Variants in ARHGAP24 observed in about 807,000 individuals in gnomAD.
The protein encoded by ARHGAP24 is Rho GTPase activating protein 24, also known as rho GTPase-activating protein 24.
Under a neutral mutation model 76.4 loss-of-function variants are expected in ARHGAP24, and 50 were observed. The observed-to-expected ratio is 0.65, with a 90% CI of 0.52 to 0.83. ARHGAP24 has a LOEUF of 0.83. Ranked by LOEUF, ARHGAP24 falls within the 40% of genes least tolerant of loss-of-function variation. The probability of loss-of-function intolerance (pLI) is 0.00; values close to 1 mark genes in which losing one functional copy is unlikely to be tolerated. For synonymous variants in ARHGAP24, 345 were observed against 323.3 expected (o/e 1.07, Z -0.72); for missense variants, 930 against 914.2 (o/e 1.02, Z -0.22).
intron 3 of ARHGAP24, among the ~76,000 whole-genome samples, chr4:85,767,294 C>T (rs1349502478): frequency 6.6e-6 from 1 of 152,154 alleles, no homozygotes; most frequent in Non-Finnish European, 1.5e-5. Flanking sequence ...AAATGTCTCT[C>T]CAGATTGCAC....
At chr4:85,563,558 C>T (rs1201801996) in intron 1 of ARHGAP24, among the ~76,000 whole-genome samples, 2 of 152,272 alleles carry the variant, frequency 1.3e-5, no homozygotes, top group Admixed American at 6.5e-5. Flanking sequence ...TAATTACCTC[C>T]TAAGGGCCCT....
chr4:85,542,965 A>T (rs73832799), intron 1 of ARHGAP24, among the ~76,000 whole-genome samples: 1 of 152,134 alleles, frequency 6.6e-6, no homozygotes, highest in Non-Finnish European at 1.5e-5. Context: ...CACTTACAAC[A>T]TTGCCTGGTC....
At chr4:85,527,061 A>G (rs1213618190) in intron 1 of ARHGAP24, among the ~76,000 whole-genome samples, 1 of 152,152 alleles carries the variant, frequency 6.6e-6, no homozygotes, top group Non-Finnish European at 1.5e-5. Context: ...GACATGTGAA[A>G]TAGATCAGTG....
chr4:85,712,258 T>G (rs916213749), intron 2 of ARHGAP24, among the ~76,000 whole-genome samples: 1 of 152,070 alleles, frequency 6.6e-6, no homozygotes. Context: ...TCAGAAAGGA[T>G]TTTCTCTGGT....
intron 3 of ARHGAP24, among the ~76,000 whole-genome samples, chr4:85,735,931 T>C (rs759406129): frequency 1.3e-5 from 2 of 152,198 alleles, no homozygotes; most frequent in African/African-American, 2.4e-5. Flanking sequence ...TCTACAGGAC[T>C]ATAGCCTATA....
chr4:85,808,693 G>A (rs1728891109), intron 3 of ARHGAP24, among the ~76,000 whole-genome samples: 1 of 152,132 alleles, frequency 6.6e-6, no homozygotes, highest in African/African-American at 2.4e-5. Context: ...AGTTGGTCCT[G>A]GTGTAGCAGC....
At position 85,817,696 on chromosome 4, in the gene ARHGAP24, C is replaced by T. The variant is rs142398740; in HGVS notation, c.268+95724C>T. Among the ~76,000 whole-genome samples, 754 of 152,220 alleles carry T rather than the reference C, an allele frequency of 5.0e-3. 8 individuals are homozygous for T. The highest frequency in any genetic ancestry group is 0.017 in the African/African-American group (704 of 41,546). On this transcript the variant is annotated intron_variant, in intron 3 of 9. Transcript: ENST00000395184. ...TGTAAAAAGTACAGTGAAGGTAATC[C>T]TTTCTATGTAGACTTTAACTGGGGT...
chr4:85,503,423 C>A (rs1723907543), intron 1 of ARHGAP24, among the ~76,000 whole-genome samples: 1 of 152,286 alleles, frequency 6.6e-6, no homozygotes, highest in African/African-American at 2.4e-5. Context: ...AGAGATTCAT[C>A]TTCTTCCTGG....
chr4:85,934,786 A>G (rs545858199), intron 4 of ARHGAP24, among the ~76,000 whole-genome samples: 4 of 152,290 alleles, frequency 2.6e-5, no homozygotes, highest in South Asian at 4.2e-4. Context: ...AAGTGCTGGG[A>G]TTATAGGCGC....
intron 3 of ARHGAP24, among the ~76,000 whole-genome samples, chr4:85,777,977 G>C (rs1239253185): frequency 6.6e-6 from 1 of 152,074 alleles, no homozygotes; most frequent in Non-Finnish European, 1.5e-5. Flanking sequence ...AACCAAATGT[G>C]TGTATTCAAA....
chr4:85,591,364 G>T (rs938511227), intron 2 of ARHGAP24, among the ~76,000 whole-genome samples: 1 of 152,098 alleles, frequency 6.6e-6, no homozygotes, highest in Admixed American at 6.6e-5. Context: ...CTTTTTAACA[G>T]ATTTTCTTGC....
chr4:85,509,403 A>C (rs913004124), intron 1 of ARHGAP24, among the ~76,000 whole-genome samples: 1 of 152,144 alleles, frequency 6.6e-6, no homozygotes. Context: ...AAATGTCTTA[A>C]GTGAATTTAA....
At position 85,778,795 on chromosome 4, in the gene ARHGAP24, A is replaced by G. The variant is rs77044196; in HGVS notation, c.268+56823A>G. Reference sequence around the variant, plus strand: ...ATATCCCCTTCTACAAGAAAACTTAAATATAGCTACCACCGCTTTGAAAGG... The same window carrying G: ...ATATCCCCTTCTACAAGAAAACTTAGATATAGCTACCACCGCTTTGAAAGG... On this transcript the variant is annotated intron_variant, in intron 3 of 9. Transcript: ENST00000395184. 3,242 of 985,334 alleles carry G rather than the reference A, an allele frequency of 3.3e-3. 70 individuals are homozygous for G. The African/African-American group carries it at 0.051, about 16-fold the overall frequency. 61.0% of individuals were successfully genotyped at this position (985,334 alleles called of 1,614,324 possible).
chr4:85,581,393 C>T (rs1412969194), intron 2 of ARHGAP24, among the ~76,000 whole-genome samples: 6 of 152,234 alleles, frequency 3.9e-5, no homozygotes, highest in South Asian at 4.1e-4. Context: ...TATGGGATTA[C>T]AGATGCTTAA....
chr4:85,609,935 C>T (rs1435803153), intron 2 of ARHGAP24, among the ~76,000 whole-genome samples: 1 of 152,124 alleles, frequency 6.6e-6, no homozygotes, highest in East Asian at 1.9e-4. Context: ...TATGGCACTT[C>T]CAGTTTAAAT....
At chr4:85,820,159 G>A (rs753673119) in intron 3 of ARHGAP24, among the ~76,000 whole-genome samples, 10 of 152,058 alleles carry the variant, frequency 6.6e-5, no homozygotes, top group Non-Finnish European at 8.8e-5. Flanking sequence ...AATATAAATT[G>A]TTCTATTATA....
Position 85,823,057 on chromosome 4 carries a change from C to A in ARHGAP24, c.269-100591C>A, listed in dbSNP as rs568752075. On this transcript the variant is annotated intron_variant, in intron 3 of 9. Coordinates refer to ENST00000395184, the MANE Select transcript of ARHGAP24 (RefSeq NM_001025616.3). ...TTGTCAAAAAAACTTCAAAAATGAT[C>A]TCTTTATTATGAACTAGAGTTACTA... Among the ~76,000 whole-genome samples, 20 of 152,260 alleles carry A rather than the reference C, an allele frequency of 1.3e-4. No individual in the cohort carries two copies. In the East Asian group the frequency reaches 3.9e-3, roughly 29 times the overall value.
At chr4:85,951,209 T>C (rs1737598131) in intron 5 of ARHGAP24, among the ~76,000 whole-genome samples, 1 of 151,970 alleles carries the variant, frequency 6.6e-6, no homozygotes, top group South Asian at 2.1e-4. Flanking sequence ...AATGGTGAGG[T>C]AATAAGAAGA....
At chr4:85,931,223 G>A (rs996327011) in intron 4 of ARHGAP24, among the ~76,000 whole-genome samples, 2 of 152,140 alleles carry the variant, frequency 1.3e-5, no homozygotes, top group African/African-American at 4.8e-5. Context: ...ATTTAAATGT[G>A]TATATTATTG....
Sources: allele counts gnomAD v4.1 joint callset (sites outside exome capture counted in the v4.1 genomes callset), GRCh38; gene constraint gnomAD v4.1.1; transcripts MANE v1.5; gene names NCBI Gene and HGNC (gene_info 2026-07-23, HGNC 2026-07-21).